The following SESN3 variants were observed in gnomAD, a reference collection of about 807,000 sequenced individuals.
The protein encoded by SESN3 is sestrin-3.
SESN3 carries 21 observed loss-of-function variants against 55.3 expected under a neutral mutation model. The ratio of observed to expected loss-of-function variants is 0.38; its 90% CI spans 0.27 to 0.55. The LOEUF is 0.55. SESN3 is among the 20% of genes least tolerant of loss of function. The pLI is 0.76. For synonymous variants in SESN3, 181 were observed against 203.1 expected, an observed-to-expected ratio of 0.89 and a Z score of 0.93; for missense variants, 408 against 604.3, an observed-to-expected ratio of 0.68 and a Z score of 3.41.
intron 2 of SESN3, among the ~76,000 whole-genome samples, chr11:95,191,912 C>T (rs903563341): frequency 2.6e-5 from 4 of 152,044 alleles, no homozygotes; most frequent in Non-Finnish European, 4.4e-5. Context: ...GTCCATTTGC[C>T]TGGCCATTGT....
At chr11:95,195,446 A>G (rs991353508) in intron 1 of SESN3, among the ~76,000 whole-genome samples, 1 of 152,222 alleles carries the variant, frequency 6.6e-6, no homozygotes, top group African/African-American at 2.4e-5. Flanking sequence ...TCATTTATTT[A>G]GCAAACATTA....
rs141846058 is a variant in SESN3, at chr11:95,199,362, T to C, written c.79-5840A>G. On this transcript the variant is annotated intron_variant, in intron 1 of 9. Transcript: ENST00000536441. The stretch of plus-strand genomic sequence containing the variant: ...ATTTATTTTTACAGATACCTCATTA[T>C]AGCTGAAAAAAGTTACGCTTGAAAT... Among the ~76,000 whole-genome samples the C allele has an allele frequency of 9.9e-4, 151 of 152,234 alleles. 2 individuals carry two copies. The highest frequency in any genetic ancestry group is 3.1e-3 in the East Asian group (16 of 5,186).
At chr11:95,222,973 G>T (rs1220681455) in intron 1 of SESN3, among the ~76,000 whole-genome samples, 2 of 152,044 alleles carry the variant, frequency 1.3e-5, no homozygotes, top group East Asian at 3.9e-4. Flanking sequence ...CTTCCTCCCC[G>T]CCATCTGTAC....
intron 1 of SESN3, among the ~76,000 whole-genome samples, chr11:95,202,345 A>G (rs760943621): frequency 1.3e-5 from 2 of 152,058 alleles, no homozygotes; most frequent in Non-Finnish European, 2.9e-5. Flanking sequence ...CTGTGGATTT[A>G]AGGAAATTAA....
intron 1 of SESN3, among the ~76,000 whole-genome samples, chr11:95,211,838 C>T (rs1056012497): frequency 1.3e-5 from 2 of 151,844 alleles, no homozygotes; most frequent in South Asian, 2.1e-4. Flanking sequence ...CACAACTAGA[C>T]AACATGTTTA....
chr11:95,219,012 A>G (rs1860812613), intron 1 of SESN3, among the ~76,000 whole-genome samples: 1 of 152,220 alleles, frequency 6.6e-6, no homozygotes, highest in African/African-American at 2.4e-5. Context: ...TAATCAAAAG[A>G]ATACTTACTA....
At position 95,228,373 on chromosome 11, in the gene SESN3, G is replaced by A. The variant is rs536390839; in HGVS notation, c.78+2410C>T. ...AAAGTAATTCACACTGGATGAGCAT[G>A]AGTTTCATTCTTCCATTATGAATTA... On this transcript the variant is annotated intron_variant, in intron 1 of 9. Coordinates refer to ENST00000536441, the MANE Select transcript of SESN3 (RefSeq NM_144665.4). Among the ~76,000 whole-genome samples, 23 of 152,272 alleles carry A rather than the reference G, an allele frequency of 1.5e-4. 1 individual carries two copies. The highest frequency in any genetic ancestry group is 4.6e-4 in the Admixed American group (7 of 15,300).
chr11:95,181,827 C>T (rs1280375934), intron 6 of SESN3, among the ~76,000 whole-genome samples: 1 of 152,006 alleles, frequency 6.6e-6, no homozygotes, highest in Non-Finnish European at 1.5e-5. Context: ...TATTTTAAAA[C>T]ATGGTAAGTC....
At chr11:95,183,687 A>T (rs1252555087) in intron 6 of SESN3, among the ~76,000 whole-genome samples, 1 of 151,692 alleles carries the variant, frequency 6.6e-6, no homozygotes, top group Non-Finnish European at 1.5e-5. Flanking sequence ...GTCTCAAAAA[A>T]AAAAAAAAAA....
chr11:95,218,165 C>A (rs547325686), intron 1 of SESN3, among the ~76,000 whole-genome samples: 1 of 152,316 alleles, frequency 6.6e-6, no homozygotes, highest in East Asian at 1.9e-4. Flanking sequence ...GACAATAAGA[C>A]AATTAGTTCA....
rs752449641 is a variant in SESN3, at chr11:95,208,281, T to C, written c.79-14759A>G. ...TTTATTTTAGAAATATATTAAATAA[T>C]TTTAGCTCCAGCACGAAGTATTACT... is the stretch of plus-strand genomic sequence containing the variant. On this transcript the variant is annotated intron_variant, in intron 1 of 9. Coordinates refer to ENST00000536441, the MANE Select transcript of SESN3 (RefSeq NM_144665.4). Among the ~76,000 whole-genome samples the C allele has an allele frequency of 7.9e-5, 12 of 151,436 alleles. 1 individual carries two copies.
intron 6 of SESN3, 136 bp downstream of exon 6, chr11:95,184,284 G>T: frequency 1.4e-6 from 1 of 703,236 alleles, no homozygotes. Context: ...ATAGCATGAG[G>T]GTAAGATAGA....
intron 1 of SESN3, among the ~76,000 whole-genome samples, chr11:95,223,831 T>A (rs918178793): frequency 4.6e-5 from 7 of 152,208 alleles, no homozygotes; most frequent in South Asian, 2.1e-4. Context: ...CCCTTCGCAC[T>A]CTTAAAAATT....
rs1859812237 is a variant in SESN3 at position 95,169,604 on chromosome 11, T to C, written c.*3651A>G. On this transcript the variant is annotated 3_prime_UTR_variant, in exon 10 of 10. Coordinates refer to ENST00000536441, the MANE Select transcript of SESN3 (RefSeq NM_144665.4). The stretch of plus-strand genomic sequence containing the variant: ...CACAGTGCAAATCATTTTTATAATA[T>C]GCACTGAAATTTATTTTTTCCATGA... 1 of 152,170 alleles carries C rather than the reference T, an allele frequency of 6.6e-6. No homozygotes were observed. Among genetic ancestry groups the C allele is most frequent in the Admixed American group, 6.5e-5 (1 of 15,276 alleles). 9.4% of individuals were successfully genotyped at this position (152,170 alleles called of 1,614,324 possible). A position where few individuals can be genotyped will look rare whatever the true frequency, so the allele number is the denominator to read the frequency against.
At chr11:95,176,920 A>G (rs1310797011) in intron 8 of SESN3, among the ~76,000 whole-genome samples, 1 of 152,182 alleles carries the variant, frequency 6.6e-6, no homozygotes, top group East Asian at 1.9e-4. Flanking sequence ...ATTACATGGA[A>G]TATCGTGTTA....
In SESN3 at chr11:95,197,742, A is replaced by G. The variant is rs1008476157; in HGVS notation, c.79-4220T>C. Among the ~76,000 whole-genome samples the G allele has an allele frequency of 3.1e-4, 47 of 152,202 alleles. 1 individual carries two copies. Among genetic ancestry groups the G allele is most frequent in the African/African-American group, 1.1e-3 (47 of 41,536 alleles). ...CTTTACACAAAACAAAATTCTACTCAAATTTGTTATGGTGACTATATTGTA... is the reference window on the plus strand; with the variant it reads ...CTTTACACAAAACAAAATTCTACTCGAATTTGTTATGGTGACTATATTGTA... On this transcript the variant is annotated intron_variant, in intron 1 of 9. Coordinates refer to ENST00000536441, the MANE Select transcript of SESN3 (RefSeq NM_144665.4).
chr11:95,184,497 C>G lies in SESN3; in HGVS notation c.860G>C (p.Ser287Thr). The change falls in exon 6 of 10, where the codon AGC (serine) becomes ACC (threonine). Residue 287 changes from serine (S) to threonine (T), a missense_variant. By Grantham distance (58) the Ser-to-Thr change is moderately conservative (BLOSUM62 1). Transcript: ENST00000536441. ...EDEEASQEEM[S>T]TRFEKEKKES... ...TTTCTTCTCCTTTTCAAAACGAGTG[C>G]TCATTTCTTCTTGAGACGCCTCTTC... 1 of 1,613,522 alleles carries G rather than the reference C, an allele frequency of 6.2e-7. No homozygotes were observed.
chr11:95,178,414 C>T (rs2134218377), intron 7 of SESN3, among the ~76,000 whole-genome samples: 1 of 152,250 alleles, frequency 6.6e-6, no homozygotes, highest in South Asian at 2.1e-4. Flanking sequence ...AGTGATGTCA[C>T]TTGTTTTCCT....
At chr11:95,222,295 A>G (rs1402970845) in intron 1 of SESN3, among the ~76,000 whole-genome samples, 2 of 152,208 alleles carry the variant, frequency 1.3e-5, no homozygotes, top group Non-Finnish European at 2.9e-5. Flanking sequence ...ATTTAATTGA[A>G]ATATTTTCAT....
Sources: gnomAD v4.1 joint callset for allele counts (sites outside exome capture counted in the v4.1 genomes callset) on GRCh38, gnomAD v4.1.1 for gene constraint, MANE v1.5 for transcripts, NCBI Gene and HGNC (gene_info 2026-07-23, HGNC 2026-07-21) for gene names.